Variants in IQSEC1 observed in about 807,000 individuals in gnomAD.
IQSEC1 encodes the protein IQ motif and SEC7 domain-containing protein 1.
In IQSEC1, 31 loss-of-function variants were observed where a neutral mutation model predicts 91.0. That is an observed-to-expected ratio of 0.34 (90% CI 0.26 to 0.46). The LOEUF is 0.46. Ranked by LOEUF, IQSEC1 falls within the 20% of genes least tolerant of loss-of-function variation. The probability of loss-of-function intolerance (pLI) is 1.00; values close to 1 mark genes in which losing one functional copy is unlikely to be tolerated. For missense variants in IQSEC1, 1,388 were observed against 1,575.6 expected (o/e 0.88, Z 2.02); for synonymous variants, 699 against 662.6 (o/e 1.05, Z -0.84).
chr3:13,033,354 T>G (rs1027446809), intron 1 of IQSEC1, among the ~76,000 whole-genome samples: 1 of 152,022 alleles, frequency 6.6e-6, no homozygotes, highest in Non-Finnish European at 1.5e-5. Context: ...ACAACAGAAA[T>G]GAGTTTCCTC....
At chr3:13,102,515 G>T (rs576187668) in intron 2 of IQSEC1, among the ~76,000 whole-genome samples, 2 of 152,122 alleles carry the variant, frequency 1.3e-5, no homozygotes, top group African/African-American at 4.8e-5. Flanking sequence ...AGTAATAGGC[G>T]TGAAAACCTG....
intron 2 of IQSEC1, among the ~76,000 whole-genome samples, chr3:13,097,102 C>T (rs1042577267): frequency 6.6e-6 from 1 of 152,086 alleles, no homozygotes; most frequent in African/African-American, 2.4e-5. Context: ...CCTCGTGATC[C>T]GCCCACCTCG....
chr3:13,161,816 T>G (rs749655362), intron 2 of IQSEC1, among the ~76,000 whole-genome samples: 7 of 152,218 alleles, frequency 4.6e-5, no homozygotes, highest in Non-Finnish European at 7.3e-5. Context: ...CGGCTTCTCC[T>G]GTCTGTGCAC....
chr3:13,252,999 T>C (rs1695224352), intron 1 of IQSEC1, among the ~76,000 whole-genome samples: 1 of 152,230 alleles, frequency 6.6e-6, no homozygotes, highest in Admixed American at 6.5e-5. Flanking sequence ...CCCAAAGTGC[T>C]GGGACTACAG....
At chr3:13,176,302 A>T (rs1693727342) in intron 1 of IQSEC1, among the ~76,000 whole-genome samples, 1 of 152,142 alleles carries the variant, frequency 6.6e-6, no homozygotes, top group South Asian at 2.1e-4. Flanking sequence ...GGAGGATAAC[A>T]AGTGTTCATT....
At chr3:13,190,595 G>A (rs981201200) in intron 1 of IQSEC1, among the ~76,000 whole-genome samples, 8 of 150,778 alleles carry the variant, frequency 5.3e-5, no homozygotes, top group Admixed American at 2.0e-4. Context: ...TGACCTCCCT[G>A]TAACACAAAC....
intron 1 of IQSEC1, among the ~76,000 whole-genome samples, chr3:13,266,611 A>C (rs1695494520): frequency 6.6e-6 from 1 of 151,980 alleles, no homozygotes; most frequent in Non-Finnish European, 1.5e-5. Context: ...AATCAAGCAA[A>C]GGAGAACTAT....
At chr3:12,941,494 T>G in intron 2 of IQSEC1, 77 bp downstream of exon 2, 1 of 1,364,096 alleles carries the variant, frequency 7.3e-7, no homozygotes, top group Non-Finnish European at 9.9e-7. Flanking sequence ...TCTGCCACCA[T>G]GCCTGGTGGG....
rs79280744 is a variant in IQSEC1, at chr3:12,953,350, C to T, written c.24-11485G>A. Among the ~76,000 whole-genome samples, 806 of 152,344 alleles carry T rather than the reference C, an allele frequency of 5.3e-3. 6 individuals are homozygous for T. The highest frequency in any genetic ancestry group is 0.018 in the African/African-American group (754 of 41,582). ...TGCCTCCAGAGAAGATGAGCCTGGG[C>T]GGAGACCGGCCTCACTGACATGCCC... is the stretch of plus-strand genomic sequence containing the variant. On this transcript the variant is annotated intron_variant, in intron 1 of 13. Coordinates refer to ENST00000613206, the MANE Select transcript of IQSEC1 (RefSeq NM_001134382.3).
intron 1 of IQSEC1, among the ~76,000 whole-genome samples, chr3:13,060,080 G>T (rs1705012063): frequency 6.6e-6 from 1 of 152,222 alleles, no homozygotes; most frequent in African/African-American, 2.4e-5. Flanking sequence ...GCCACTGTGT[G>T]CCCGGTATAT....
intron 1 of IQSEC1, among the ~76,000 whole-genome samples, chr3:13,256,324 T>C (rs959275959): frequency 2.0e-5 from 3 of 152,236 alleles, no homozygotes; most frequent in Admixed American, 6.5e-5. Flanking sequence ...AAATGGTAAA[T>C]AAACACTTTG....
At chr3:13,155,392 C>G (rs1707070979) in intron 2 of IQSEC1, among the ~76,000 whole-genome samples, 1 of 152,080 alleles carries the variant, frequency 6.6e-6, no homozygotes, top group Non-Finnish European at 1.5e-5. Context: ...ATTCAAATTC[C>G]TAGAAACACC....
chr3:13,192,493 C>G (rs569348051), intron 1 of IQSEC1, among the ~76,000 whole-genome samples: 1 of 152,130 alleles, frequency 6.6e-6, no homozygotes, highest in Non-Finnish European at 1.5e-5. Context: ...GGACGGACGA[C>G]GTGAAGATGC....
At chr3:12,912,438 G>A (rs1695650052) in intron 9 of IQSEC1, among the ~76,000 whole-genome samples, 1 of 152,154 alleles carries the variant, frequency 6.6e-6, no homozygotes, top group Admixed American at 6.5e-5. Flanking sequence ...TTCGCTCAAG[G>A]TCAGGAGTTC....
chr3:13,012,038 G>C (rs1417783434), intron 1 of IQSEC1, among the ~76,000 whole-genome samples: 2 of 152,184 alleles, frequency 1.3e-5, no homozygotes, highest in African/African-American at 2.4e-5. Flanking sequence ...CAGAGGCTGC[G>C]GAGTGGCCAG....
chr3:13,253,357 G>C (rs886485698), intron 1 of IQSEC1, among the ~76,000 whole-genome samples: 1 of 152,070 alleles, frequency 6.6e-6, no homozygotes, highest in Non-Finnish European at 1.5e-5. Context: ...CCAGAGAAGG[G>C]GTGTGGCACC....
intron 2 of IQSEC1, among the ~76,000 whole-genome samples, chr3:13,158,569 C>G (rs904916567): frequency 5.9e-5 from 9 of 152,198 alleles, no homozygotes; most frequent in African/African-American, 2.2e-4. Flanking sequence ...AGTCCTTGGG[C>G]TCTCCTCATT....
intron 1 of IQSEC1, among the ~76,000 whole-genome samples, chr3:13,242,276 C>T (rs1203738500): frequency 6.6e-6 from 1 of 152,152 alleles, no homozygotes; most frequent in Non-Finnish European, 1.5e-5. Flanking sequence ...TTTCTGAAGT[C>T]CTGGCCTACA....
intron 2 of IQSEC1, among the ~76,000 whole-genome samples, chr3:13,123,335 T>A (rs1361081828): frequency 6.6e-6 from 1 of 152,220 alleles, no homozygotes; most frequent in Admixed American, 6.5e-5. Context: ...GTCTCTGACA[T>A]CTTCTAATAA....
Sources: allele counts gnomAD v4.1 joint callset (sites outside exome capture counted in the v4.1 genomes callset), GRCh38; gene constraint gnomAD v4.1.1; transcripts MANE v1.5; gene names NCBI Gene and HGNC (gene_info 2026-07-23, HGNC 2026-07-21).